The following PARVA variants were observed in gnomAD, a reference collection of about 807,000 sequenced individuals.
PARVA encodes the protein parvin alpha.
In PARVA, 25 loss-of-function variants were observed where a neutral mutation model predicts 52.6. The observed-to-expected ratio is 0.48, with a 90% CI of 0.35 to 0.66. The LOEUF is 0.66. PARVA is among the 30% of genes least tolerant of loss of function. The pLI is 0.01. For missense variants in PARVA, 373 were observed against 450.9 expected (o/e 0.83, Z 1.56); for synonymous variants, 185 against 179.1 (o/e 1.03, Z -0.26).
Position 12,531,101 on chromosome 11 carries a change from G to T in PARVA, c.*3176G>T, listed in dbSNP as rs968359774. ...TTTGTAATCCACTAAGCATCACAAA[G>T]GTTACTACATACGCTATAATACTGT... On this transcript the variant is annotated 3_prime_UTR_variant, in exon 13 of 13. Coordinates refer to ENST00000334956, the MANE Select transcript of PARVA (RefSeq NM_018222.5). Among the ~76,000 whole-genome samples, 2 of 152,160 alleles carry T rather than the reference G, an allele frequency of 1.3e-5. No homozygotes were observed. Among genetic ancestry groups the T allele is most frequent in the African/African-American group, 4.8e-5 (2 of 41,446 alleles).
chr11:12,401,708 A>C (rs1939830355), intron 1 of PARVA, among the ~76,000 whole-genome samples: 2 of 152,234 alleles, frequency 1.3e-5, no homozygotes, highest in Admixed American at 1.3e-4. Flanking sequence ...GTGACAGAAC[A>C]GTAACATTTA....
intron 1 of PARVA, among the ~76,000 whole-genome samples, chr11:12,390,473 T>C (rs1939643162): frequency 6.6e-6 from 1 of 152,200 alleles, no homozygotes; most frequent in Non-Finnish European, 1.5e-5. Context: ...AGGAGACTCC[T>C]CAGAGTCCAG....
chr11:12,496,968 C>A (rs1941307461), intron 5 of PARVA, among the ~76,000 whole-genome samples: 2 of 152,166 alleles, frequency 1.3e-5, no homozygotes, highest in Admixed American at 1.3e-4. Flanking sequence ...TCCCCACATT[C>A]ACACAGCTGA....
intron 1 of PARVA, among the ~76,000 whole-genome samples, chr11:12,462,795 C>T (rs1940801099): frequency 6.6e-6 from 1 of 152,178 alleles, no homozygotes; most frequent in South Asian, 2.1e-4. Flanking sequence ...AGAAATGACC[C>T]TGCCAGGCAT....
intron 3 of PARVA, chr11:12,477,099 CTT>C (rs747037359): frequency 9.8e-5 from 14 of 142,524 alleles, no homozygotes; most frequent in Non-Finnish European, 1.2e-4. Flanking sequence ...GTATACTTAA[CTT>C]TTTTTTTTTT....
chr11:12,387,554 C>CAT (rs1555029147), intron 1 of PARVA, among the ~76,000 whole-genome samples: 90 of 149,224 alleles, frequency 6.0e-4, no homozygotes, highest in African/African-American at 1.7e-3. Flanking sequence ...TATTTTTGAG[C>CAT]GTGTGTGTGT....
intron 1 of PARVA, among the ~76,000 whole-genome samples, chr11:12,445,823 A>G (rs956732430): frequency 5.9e-5 from 9 of 152,112 alleles, no homozygotes; most frequent in Admixed American, 5.9e-4. Flanking sequence ...GTCCCATTTT[A>G]CCCATGAGAA....
chr11:12,511,574 C>G (rs758566726), intron 8 of PARVA, 41 bp downstream of exon 8: 4 of 1,606,928 alleles, frequency 2.5e-6, no homozygotes, highest in South Asian at 1.1e-5. Flanking sequence ...GGTGGCTGCA[C>G]TGGGGCTTTA....
chr11:12,449,896 G>A (rs1403933551), intron 1 of PARVA, among the ~76,000 whole-genome samples: 2 of 152,220 alleles, frequency 1.3e-5, no homozygotes, highest in Non-Finnish European at 2.9e-5. Flanking sequence ...ATGAGCTGAT[G>A]TATTGTCTTA....
rs1941537420 is a variant in PARVA at position 12,513,997 on chromosome 11, A to G, written c.799A>G (p.Thr267Ala). ...APDKLNVVKK[T>A]LITFVNKHLN... ...AGGGCCTGCTTTGCTTCTCTTTTAG[A>G]CACTCATCACTTTCGTGAACAAGCA... The change falls in exon 10 of 13, where the codon ACA becomes GCA. Residue 267 changes from threonine (T) to alanine (A), a missense_variant and splice_region_variant. Physicochemically the swap from Thr to Ala is moderately conservative, Grantham distance 58 (BLOSUM62 0). Coordinates refer to ENST00000334956, the MANE Select transcript of PARVA (RefSeq NM_018222.5). The G allele has an allele frequency of 6.2e-7, 1 of 1,613,698 alleles. No homozygotes were observed. The highest frequency in any genetic ancestry group is 8.5e-7 in the Non-Finnish European group (1 of 1,179,746).
intron 1 of PARVA, among the ~76,000 whole-genome samples, chr11:12,392,568 A>G (rs1415772214): frequency 1.3e-5 from 2 of 152,078 alleles, no homozygotes; most frequent in African/African-American, 2.4e-5. Context: ...CATACCCTTC[A>G]TTCCTTTTTA....
rs1165322254 is a variant in PARVA, at chr11:12,378,648, C to T, written c.136+865C>T. ...TTTTCCCATGCACAGATTTTGCGTCCTGGTTTTTGGTTTGAAAACGAGGTG... is the reference window on the plus strand; with the variant it reads ...TTTTCCCATGCACAGATTTTGCGTCTTGGTTTTTGGTTTGAAAACGAGGTG... On this transcript the variant is annotated intron_variant, in intron 1 of 12. Coordinates refer to ENST00000334956, the MANE Select transcript of PARVA (RefSeq NM_018222.5). 2.1e-5 allele frequency among the ~76,000 whole-genome samples: 3 copies of T among 146,038 alleles called. No individual in the cohort carries two copies. In the South Asian group the frequency reaches 6.4e-4, roughly 31 times the overall value.
At chr11:12,509,411 C>T (rs1178587023) in intron 7 of PARVA, among the ~76,000 whole-genome samples, 2 of 152,108 alleles carry the variant, frequency 1.3e-5, no homozygotes, top group Non-Finnish European at 2.9e-5. Context: ...ACCTCAGTTG[C>T]CCCACCCAGA....
Position 12,534,126 on chromosome 11 carries a change from T to C in PARVA, c.*6201T>C, listed in dbSNP as rs1205169803. Among the ~76,000 whole-genome samples, 1 of 151,964 alleles carries C rather than the reference T, an allele frequency of 6.6e-6. No individual in the cohort carries two copies. Among genetic ancestry groups the C allele is most frequent in the East Asian group, 1.9e-4 (1 of 5,184 alleles). ...GAGGTTGCAATGAGCTGAGATCGCA[T>C]CACTGCACTCAAGCCTGGGCAACAG... On this transcript the variant is annotated 3_prime_UTR_variant, in exon 13 of 13. Coordinates refer to ENST00000334956, the MANE Select transcript of PARVA (RefSeq NM_018222.5).
intron 3 of PARVA, 59 bp from the exon 4 acceptor site, chr11:12,477,788 A>G: frequency 1.1e-6 from 1 of 897,960 alleles, no homozygotes; most frequent in Non-Finnish European, 1.9e-6. Flanking sequence ...CTGGTCTGTA[A>G]GAAAATACCC....
At chr11:12,514,291 C>T (rs533265397) in intron 10 of PARVA, among the ~76,000 whole-genome samples, 76 of 152,264 alleles carry the variant, frequency 5.0e-4, no homozygotes, top group African/African-American at 1.5e-3. Flanking sequence ...TGGGATGCAC[C>T]GATTGTTAAT....
intron 4 of PARVA, chr11:12,479,978 T>A (rs1589973936): frequency 6.6e-6 from 1 of 152,166 alleles, no homozygotes; most frequent in Non-Finnish European, 1.5e-5. Context: ...AATCCCAGCA[T>A]TTTGGGAGGC....
At chr11:12,522,628 A>C (rs10831840) in intron 12 of PARVA, among the ~76,000 whole-genome samples, 1 of 151,498 alleles carries the variant, frequency 6.6e-6, no homozygotes, top group Non-Finnish European at 1.5e-5. Flanking sequence ...CATGTTGGCC[A>C]GGCTGGTCTT....
intron 1 of PARVA, among the ~76,000 whole-genome samples, chr11:12,401,115 A>C (rs986304975): frequency 2.0e-5 from 3 of 152,234 alleles, no homozygotes; most frequent in Non-Finnish European, 4.4e-5. Context: ...AGGGTATTCC[A>C]TCACGGTCGA....
Sources: allele counts gnomAD v4.1 joint callset (sites outside exome capture counted in the v4.1 genomes callset), GRCh38; gene constraint gnomAD v4.1.1; transcripts MANE v1.5; gene names NCBI Gene and HGNC (gene_info 2026-07-23, HGNC 2026-07-21).